The following STAG1 variants were observed in gnomAD, a reference collection of about 807,000 sequenced individuals.
STAG1 encodes cohesin subunit SA-1.
In STAG1, 26 loss-of-function variants were observed where a neutral mutation model predicts 170.9. The observed-to-expected ratio is 0.15, with a 90% CI of 0.11 to 0.21. The LOEUF (loss-of-function observed/expected upper bound fraction) is 0.21, where lower values mean the gene tolerates loss of function less well. Ranked by LOEUF, STAG1 falls within the 10% of genes least tolerant of loss-of-function variation. STAG1 has a pLI of 1.00. For synonymous variants in STAG1, 514 were observed against 497.7 expected, an observed-to-expected ratio of 1.03 and a Z score of -0.44; for missense variants, 964 against 1,509.5, an observed-to-expected ratio of 0.64 and a Z score of 5.99.
chr3:136,573,178 T>TA (rs1441638336), intron 4 of STAG1, among the ~76,000 whole-genome samples: 1 of 145,130 alleles, frequency 6.9e-6, no homozygotes, highest in Non-Finnish European at 1.5e-5. Context: ...ACCTTATCTT[T>TA]AAAAAAGAAA....
At chr3:136,432,056 A>G (rs559385879) in intron 16 of STAG1, among the ~76,000 whole-genome samples, 2 of 152,264 alleles carry the variant, frequency 1.3e-5, no homozygotes, top group South Asian at 4.1e-4. Flanking sequence ...TTCAGTGCAC[A>G]TGATGGTGGT....
intron 12 of STAG1, among the ~76,000 whole-genome samples, chr3:136,468,491 G>A (rs1379029387): frequency 6.6e-6 from 1 of 152,038 alleles, no homozygotes; most frequent in African/African-American, 2.4e-5. Context: ...CCAATAACAG[G>A]CTCTGAAATT....
chr3:136,552,313 T>C (rs1936439319), intron 5 of STAG1, among the ~76,000 whole-genome samples: 1 of 152,194 alleles, frequency 6.6e-6, no homozygotes, highest in South Asian at 2.1e-4. Flanking sequence ...CATTAGAAGT[T>C]ACATTTACAC....
chr3:136,553,459 G>A (rs879895363), intron 5 of STAG1, among the ~76,000 whole-genome samples: 12 of 152,156 alleles, frequency 7.9e-5, no homozygotes, highest in Non-Finnish European at 1.8e-4. Flanking sequence ...ATGAAACTCA[G>A]AAAACCAGAA....
At chr3:136,663,508 G>A (rs143057592) in intron 1 of STAG1, among the ~76,000 whole-genome samples, 7 of 152,170 alleles carry the variant, frequency 4.6e-5, no homozygotes. Context: ...CCAGAGATAA[G>A]GGGAATGAAA....
chr3:136,718,883 C>T (rs941599512), intron 1 of STAG1, among the ~76,000 whole-genome samples: 3 of 151,966 alleles, frequency 2.0e-5, no homozygotes, highest in African/African-American at 7.3e-5. Flanking sequence ...GCCAAGATCA[C>T]GCCACTGCAC....
intron 9 of STAG1, among the ~76,000 whole-genome samples, chr3:136,485,447 A>C (rs2089988710): frequency 6.6e-6 from 1 of 152,102 alleles, no homozygotes; most frequent in Admixed American, 6.6e-5. Flanking sequence ...ACAGAGTGAG[A>C]TTCTGTCTAA....
intron 1 of STAG1, among the ~76,000 whole-genome samples, chr3:136,648,460 T>A (rs1265965282): frequency 3.3e-5 from 5 of 152,242 alleles, no homozygotes; most frequent in Non-Finnish European, 1.5e-5. Flanking sequence ...ATTTTACTAC[T>A]GCTTCCTGTA....
intron 9 of STAG1, among the ~76,000 whole-genome samples, chr3:136,488,796 C>T (rs1039544539): frequency 6.6e-6 from 1 of 152,142 alleles, no homozygotes; most frequent in East Asian, 1.9e-4. Context: ...GTCTAAATAT[C>T]CCTGATTTGA....
intron 22 of STAG1, among the ~76,000 whole-genome samples, chr3:136,386,748 G>A (rs1438743235): frequency 6.6e-6 from 1 of 151,930 alleles, no homozygotes; most frequent in Non-Finnish European, 1.5e-5. Flanking sequence ...TGTTGCCCAG[G>A]CTTTGTTCCA....
chr3:136,693,223 T>C (rs1297568286), intron 1 of STAG1, among the ~76,000 whole-genome samples: 1 of 152,130 alleles, frequency 6.6e-6, no homozygotes, highest in African/African-American at 2.4e-5. Flanking sequence ...GACAGAAAGG[T>C]TGTCAATGGT....
intron 1 of STAG1, among the ~76,000 whole-genome samples, chr3:136,696,765 G>C (rs546162467): frequency 1.1e-4 from 16 of 152,186 alleles, no homozygotes; most frequent in African/African-American, 3.6e-4. Context: ...AATAAAAGAA[G>C]CCAGGCTAAA....
intron 9 of STAG1, among the ~76,000 whole-genome samples, chr3:136,494,747 A>C (rs1337304452): frequency 6.6e-6 from 1 of 152,194 alleles, no homozygotes; most frequent in Non-Finnish European, 1.5e-5. Context: ...AAAAACACCC[A>C]ACAAATCAGG....
chr3:136,614,040 C>T (rs1323492661), intron 3 of STAG1, among the ~76,000 whole-genome samples: 1 of 152,032 alleles, frequency 6.6e-6, no homozygotes, highest in Non-Finnish European at 1.5e-5. Context: ...CATGGTGAAA[C>T]CCCGTCTACA....
At chr3:136,464,360 T>C (rs929207869) in intron 13 of STAG1, among the ~76,000 whole-genome samples, 1 of 151,800 alleles carries the variant, frequency 6.6e-6, no homozygotes, top group Non-Finnish European at 1.5e-5. Context: ...GAGGCAGAAG[T>C]TGTGGTGAGT....
At chr3:136,750,714 C>A (rs893397851) in intron 1 of STAG1, among the ~76,000 whole-genome samples, 16 of 152,192 alleles carry the variant, frequency 1.1e-4, no homozygotes, top group Admixed American at 3.9e-4. Flanking sequence ...ACCTGTAGAT[C>A]TTCTACAACT....
intron 1 of STAG1, among the ~76,000 whole-genome samples, chr3:136,694,789 C>T (rs559078562): frequency 2.0e-4 from 30 of 152,012 alleles, no homozygotes; most frequent in South Asian, 6.2e-4. Flanking sequence ...AATTGTTAAA[C>T]GGCCTAATAA....
intron 6 of STAG1, among the ~76,000 whole-genome samples, chr3:136,532,492 C>T (rs75179027): frequency 0.011 from 1,668 of 152,020 alleles, 29 homozygotes; most frequent in East Asian, 0.047. Context: ...GCTGTGAATC[C>T]TTCTGGGCCT....
At position 136,477,376 on chromosome 3, in the gene STAG1, T is replaced by C; in HGVS notation, c.939A>G (p.Glu313=). 1.2e-6 allele frequency: 2 copies of C among 1,612,782 alleles called. No homozygotes were observed. The highest frequency in any genetic ancestry group is 1.7e-6 in the Non-Finnish European group (2 of 1,179,624). ...ACATTTTCATCCATACTCCAATTTCTTCAATACAAATGGCTCTAATCTCAG... is the reference window on the plus strand; with the variant it reads ...ACATTTTCATCCATACTCCAATTTCCTCAATACAAATGGCTCTAATCTCAG... ...AIAEIRAICI[E]EIGVWMKMYS... The change falls in exon 10 of 34, where the codon GAA becomes GAG. Residue 313 remains glutamate, a synonymous_variant. Transcript: ENST00000383202.
Sources: gnomAD v4.1 joint callset for allele counts (sites outside exome capture counted in the v4.1 genomes callset) on GRCh38, gnomAD v4.1.1 for gene constraint, MANE v1.5 for transcripts, NCBI Gene and HGNC (gene_info 2026-07-23, HGNC 2026-07-21) for gene names.